GTF2H2: variants seen among roughly 807,000 people sequenced by gnomAD.
GTF2H2 encodes the protein TFIIH basal transcription factor complex p44 subunit.
Under a neutral mutation model 16.5 loss-of-function variants are expected in GTF2H2, and 2 were observed. The observed-to-expected ratio is 0.12, with a 90% CI of 0.05 to 0.38. The LOEUF is 0.38. GTF2H2 is among the 10% of genes least tolerant of loss of function. The pLI is 0.99. For synonymous variants in GTF2H2, 8 were observed against 44.1 expected, an observed-to-expected ratio of 0.18 and a Z score of 3.24; for missense variants, 20 against 137.0, an observed-to-expected ratio of 0.15 and a Z score of 4.26.
In GTF2H2 at chr5:71,036,123, C is replaced by T. The variant is rs1354463972; in HGVS notation, c.1069-327G>A. ...CGCTACTTTTGAATGCTTAGCAAGA[C>T]CACCTGATTGATTCAATTAAAAAGA... On this transcript the variant is annotated intron_variant, in intron 15 of 15. Coordinates refer to ENST00000274400, the Ensembl canonical transcript of GTF2H2. Among the ~76,000 whole-genome samples, 2 of 63,492 alleles carry T rather than the reference C, an allele frequency of 3.1e-5. 1 individual carries two copies. The highest frequency in any genetic ancestry group is 5.9e-5 in the Non-Finnish European group (2 of 33,746). 41.7% of individuals were successfully genotyped at this position (63,492 alleles called of 152,430 possible).
At chr5:71,063,275 A>AT (rs1333564882) in intron 1 of GTF2H2, among the ~76,000 whole-genome samples, 1 of 81,442 alleles carries the variant, frequency 1.2e-5, no homozygotes, top group Non-Finnish European at 2.2e-5. Context: ...AAAATTAAAC[A>AT]TAGTTCTTTG....
intron 8 of GTF2H2, among the ~76,000 whole-genome samples, chr5:71,052,051 AAAAAAG>A (rs1417646050): frequency 6.4e-5 from 9 of 140,622 alleles, no homozygotes; most frequent in African/African-American, 2.2e-4. Flanking sequence ...TCTCAAAAAC[AAAAAAG>A]AAAAAGAAAA....
chr5:71,055,239 G>C (rs1753121330), intron 8 of GTF2H2, 113 bp downstream of exon 8: 1 of 1,068,250 alleles, frequency 9.4e-7, no homozygotes. Flanking sequence ...CATAATTCTT[G>C]TACTTAACAA....
chr5:71,051,321 A>G (rs1236482653), intron 8 of GTF2H2, among the ~76,000 whole-genome samples: 2 of 89,490 alleles, frequency 2.2e-5, no homozygotes, highest in Non-Finnish European at 4.5e-5. Flanking sequence ...CAAGGGTTGC[A>G]GAATGAGTGC....
intron 11 of GTF2H2, among the ~76,000 whole-genome samples, chr5:71,045,946 C>A (rs1256324503): frequency 7.0e-6 from 1 of 143,542 alleles, no homozygotes; most frequent in Non-Finnish European, 1.5e-5. Flanking sequence ...ATGATTAACA[C>A]TACTTTTTAA....
Position 71,061,367 on chromosome 5 carries a change from A to G in GTF2H2, c.135-59T>C, listed in dbSNP as rs1753616690. 3 of 1,385,180 alleles carry G rather than the reference A, an allele frequency of 2.2e-6. No homozygotes were observed. The East Asian group carries it at 6.9e-5, about 32-fold the overall frequency. 85.8% of individuals were successfully genotyped at this position (1,385,180 alleles called of 1,614,324 possible). A position where few individuals can be genotyped will look rare whatever the true frequency, so the allele number is the denominator to read the frequency against. ...CCATATACTATCCCCCCCCACAAAAAAAATACAACTTTCCAATTGACCTCC... is the reference window on the plus strand; with the variant it reads ...CCATATACTATCCCCCCCCACAAAAGAAATACAACTTTCCAATTGACCTCC... On this transcript the variant is annotated intron_variant, in intron 3 of 15. Coordinates refer to ENST00000274400, the Ensembl canonical transcript of GTF2H2.
intron 14 of GTF2H2, among the ~76,000 whole-genome samples, chr5:71,037,974 C>CAAAAAA (rs1164937065): frequency 1.9e-3 from 16 of 8,346 alleles, no homozygotes; most frequent in Admixed American, 5.2e-3. Flanking sequence ...CTCTGACTCA[C>CAAAAAA]AAAAAAAAAA....
At position 71,046,726 on chromosome 5, in the gene GTF2H2, C is replaced by T. The variant is rs1447325239; in HGVS notation, c.758-1219G>A. Among the ~76,000 whole-genome samples, 63 of 80,418 alleles carry T rather than the reference C, an allele frequency of 7.8e-4. 22 individuals carry two copies. Among genetic ancestry groups the T allele is most frequent in the Middle Eastern group, 4.6e-3 (1 of 216 alleles). The allele number at this position is 80,418 out of a possible 152,430, so 52.8% of individuals were successfully genotyped here. On this transcript the variant is annotated intron_variant, in intron 11 of 15. Transcript: ENST00000274400. Reference sequence around the variant, plus strand: ...CTGTAATCCCAGCACTCTGGGAGGCCGAGGCAGGCGGATCATGAGGTCAGA... The same window carrying T: ...CTGTAATCCCAGCACTCTGGGAGGCTGAGGCAGGCGGATCATGAGGTCAGA...
chr5:71,037,974 CAAA>C (rs1164937065), intron 14 of GTF2H2, among the ~76,000 whole-genome samples: 13 of 8,446 alleles, frequency 1.5e-3, no homozygotes, highest in African/African-American at 3.7e-3. Context: ...CTCTGACTCA[CAAA>C]AAAAAAAAAA....
intron 7 of GTF2H2, among the ~76,000 whole-genome samples, chr5:71,057,696 C>T (rs199928774): frequency 0.056 from 3,656 of 65,028 alleles, 235 homozygotes; most frequent in Admixed American, 0.11. Flanking sequence ...CAGCAGCACC[C>T]AAACCTAGAT....
At chr5:71,054,751 GTA>G (rs765886196) in intron 8 of GTF2H2, among the ~76,000 whole-genome samples, 10,413 of 125,804 alleles carry the variant, frequency 0.083, 976 homozygotes, top group Non-Finnish European at 0.099. Flanking sequence ...GTGTGTGTGT[GTA>G]TATATATAAT....
chr5:71,061,448 T>A, intron 3 of GTF2H2, 140 bp from the exon 4 acceptor site: 1 of 571,944 alleles, frequency 1.7e-6, no homozygotes, highest in East Asian at 4.0e-5. Flanking sequence ...GCATTTTTAG[T>A]GGAGTAAATA....
At chr5:71,057,355 A>G (rs1753327626) in intron 7 of GTF2H2, among the ~76,000 whole-genome samples, 1 of 140,644 alleles carries the variant, frequency 7.1e-6, no homozygotes, top group Admixed American at 7.2e-5. Flanking sequence ...TTTAAAATAT[A>G]TTAAAAAATA....
rs201330591 is a variant in GTF2H2 at position 71,055,434 on chromosome 5, A to T, written c.388T>A (p.Ser130Thr). 4.4e-3 allele frequency: 6,841 copies of T among 1,560,628 alleles called. 753 individuals carry two copies. The highest frequency in any genetic ancestry group is 5.2e-3 in the Non-Finnish European group (5,951 of 1,150,932). The stretch of plus-strand genomic sequence containing the variant: ...GTCATATCCACAGCTTTCTTCAAAG[A>T]CGTTATATGTTTTCTTGGGTTTCCT... The change falls in exon 8 of 16, where the codon TCT becomes ACT. Residue 130 changes from serine (S) to threonine (T), a missense_variant. Ser to Thr is a moderately conservative substitution (Grantham distance 58). Coordinates refer to ENST00000274400, the Ensembl canonical transcript of GTF2H2.
In GTF2H2 at chr5:71,055,419, C is replaced by T. The variant is rs765091303; in HGVS notation, c.403G>A (p.Val135Met). The change falls in exon 8 of 16, where the codon GTG becomes ATG. Residue 135 changes from valine to methionine, a missense_variant. This residue lies in a region of GTF2H2 where 19 missense variants were observed against 58.8 expected (regional missense o/e 0.32). Coordinates refer to ENST00000274400, the Ensembl canonical transcript of GTF2H2. Reference sequence around the variant, plus strand: ...GGCTCTCCATGGCAGGTCATATCCACAGCTTTCTTCAAAGACGTTATATGT... The same window carrying T: ...GGCTCTCCATGGCAGGTCATATCCATAGCTTTCTTCAAAGACGTTATATGT... 10 of 1,572,432 alleles carry T rather than the reference C, an allele frequency of 6.4e-6. No homozygotes were observed. In the East Asian group the frequency reaches 2.3e-4, roughly 35 times the overall value.
intron 12 of GTF2H2, among the ~76,000 whole-genome samples, chr5:71,044,161 G>T (rs1752168948): frequency 8.9e-6 from 1 of 111,996 alleles, no homozygotes; most frequent in African/African-American, 3.7e-5. Context: ...TCTATTCAAT[G>T]CCTGTCATGT....
At chr5:71,052,271 G>C in intron 8 of GTF2H2, among the ~76,000 whole-genome samples, 1 of 132,688 alleles carries the variant, frequency 7.5e-6, no homozygotes, top group Non-Finnish European at 1.6e-5. Flanking sequence ...GGGTTCATGC[G>C]ATTCTCCTGC....
Position 71,052,126 on chromosome 5 carries a change from T to G in GTF2H2, c.471-2968A>C, listed in dbSNP as rs1752776655. ...TTTTAGCTAGATCTTCTGGATAACT[T>G]GCTGCAGCTTCTACATCAGCACTTG... is the stretch of plus-strand genomic sequence containing the variant. On this transcript the variant is annotated intron_variant, in intron 8 of 15. Coordinates refer to ENST00000274400, the Ensembl canonical transcript of GTF2H2. Among the ~76,000 whole-genome samples, 2 of 142,572 alleles carry G rather than the reference T, an allele frequency of 1.4e-5. 1 individual carries two copies. The allele number at this position is 142,572 out of a possible 152,430, so 93.5% of individuals were successfully genotyped here. A position where few individuals can be genotyped will look rare whatever the true frequency, so the allele number is the denominator to read the frequency against.
chr5:71,055,109 T>C (rs897661863), intron 8 of GTF2H2: 1 of 316,216 alleles, frequency 3.2e-6, no homozygotes, highest in Non-Finnish European at 5.8e-6. Flanking sequence ...CATATTTTTG[T>C]ACTATTGATA....
Sources: allele counts gnomAD v4.1 joint callset (sites outside exome capture counted in the v4.1 genomes callset), GRCh38; gene constraint gnomAD v4.1.1; regional missense constraint gnomAD v4.1.1; transcripts MANE v1.5; gene names NCBI Gene and HGNC (gene_info 2026-07-23, HGNC 2026-07-21).